EAPP: variants seen among roughly 807,000 people sequenced by gnomAD.
EAPP encodes E2F associated phosphoprotein.
A neutral mutation model predicts 34.3 loss-of-function variants in EAPP; 38 were observed. The ratio of observed to expected loss-of-function variants is 1.11; its 90% CI spans 0.85 to 1.45. The LOEUF (loss-of-function observed/expected upper bound fraction) is 1.45. Ranked by LOEUF, EAPP falls within the 40% of genes most tolerant of loss-of-function variation. The pLI, the probability that EAPP is intolerant of heterozygous loss-of-function variation, is 0.00. For missense variants in EAPP, 338 were observed against 343.7 expected, an observed-to-expected ratio of 0.98 and a Z score of 0.13; for synonymous variants, 113 against 117.6, an observed-to-expected ratio of 0.96 and a Z score of 0.25.
At chr14:34,534,997 C>G (rs1272520179) in intron 2 of EAPP, among the ~76,000 whole-genome samples, 1 of 151,832 alleles carries the variant, frequency 6.6e-6, no homozygotes, top group Non-Finnish European at 1.5e-5. Flanking sequence ...TGCCACCAAG[C>G]CCAGCTAATT....
At chr14:34,519,940 A>G (rs1038469657) in intron 5 of EAPP, among the ~76,000 whole-genome samples, 31 of 147,568 alleles carry the variant, frequency 2.1e-4, no homozygotes, top group Admixed American at 1.1e-3. Context: ...GCTGAAGTGC[A>G]GTGGCGCAAT....
intron 2 of EAPP, among the ~76,000 whole-genome samples, chr14:34,534,202 G>A (rs1025578906): frequency 2.0e-5 from 3 of 149,228 alleles, no homozygotes; most frequent in Non-Finnish European, 4.4e-5. Context: ...GCACAATCTC[G>A]GCTCACTGCA....
intron 5 of EAPP, among the ~76,000 whole-genome samples, chr14:34,523,813 A>G (rs1880003443): frequency 6.6e-6 from 1 of 152,160 alleles, no homozygotes; most frequent in Non-Finnish European, 1.5e-5. Context: ...CACTGGGATT[A>G]CAGGCATGAG....
At chr14:34,534,711 C>G (rs1464442349) in intron 2 of EAPP, among the ~76,000 whole-genome samples, 1 of 151,942 alleles carries the variant, frequency 6.6e-6, no homozygotes, top group African/African-American at 2.4e-5. Flanking sequence ...AGTCATCAAA[C>G]AAACTCCAAG....
chr14:34,529,510 C>A, intron 3 of EAPP, 35 bp from the exon 4 acceptor site: 2 of 1,376,568 alleles, frequency 1.5e-6, no homozygotes, highest in South Asian at 1.2e-5. Context: ...GGCTAAGAAT[C>A]ATGTGTCAAG....
intron 3 of EAPP, among the ~76,000 whole-genome samples, chr14:34,530,524 C>T (rs1880248444): frequency 6.6e-6 from 1 of 151,892 alleles, no homozygotes; most frequent in Admixed American, 6.6e-5. Context: ...TGAGACCTAT[C>T]TCTAAAAAAG....
intron 5 of EAPP, among the ~76,000 whole-genome samples, chr14:34,518,587 T>C (rs534476907): frequency 6.6e-6 from 1 of 152,272 alleles, no homozygotes; most frequent in East Asian, 1.9e-4. Context: ...AACCTCGGCC[T>C]CCTGAAGTGT....
chr14:34,538,146 C>G (rs115139779), intron 1 of EAPP, among the ~76,000 whole-genome samples: 3,062 of 152,182 alleles, frequency 0.02, 99 homozygotes, highest in African/African-American at 0.069. Context: ...GGGAGCCCGA[C>G]GCAGGCAGAT....
chr14:34,538,360 C>T (rs1363607957), intron 1 of EAPP, among the ~76,000 whole-genome samples: 4 of 151,026 alleles, frequency 2.6e-5, no homozygotes, highest in African/African-American at 9.7e-5. Context: ...GCCTGGCTGA[C>T]AGAGTGAGAC....
At chr14:34,531,099 G>A (rs1880274288) in intron 3 of EAPP, among the ~76,000 whole-genome samples, 2 of 151,330 alleles carry the variant, frequency 1.3e-5, no homozygotes, top group Admixed American at 1.3e-4. Flanking sequence ...GAGATCAGGA[G>A]TTTCAAACCA....
intron 3 of EAPP, 89 bp from the exon 4 acceptor site, chr14:34,529,564 A>G (rs1566448743): frequency 1.0e-6 from 1 of 985,352 alleles, no homozygotes; most frequent in Non-Finnish European, 1.5e-6. Context: ...CAAGCTACAC[A>G]TTTATTTATA....
At chr14:34,530,792 G>C (rs567065581) in intron 3 of EAPP, among the ~76,000 whole-genome samples, 1 of 149,946 alleles carries the variant, frequency 6.7e-6, no homozygotes, top group South Asian at 2.1e-4. Flanking sequence ...AAAAAAAACA[G>C]TATGAGGTCA....
At chr14:34,535,127 C>T (rs547704683) in intron 2 of EAPP, among the ~76,000 whole-genome samples, 7 of 140,786 alleles carry the variant, frequency 5.0e-5, no homozygotes, top group Non-Finnish European at 7.7e-5. Flanking sequence ...TGAGCCACCA[C>T]GCCTGGCCTT....
chr14:34,520,104 C>T lies in EAPP; in HGVS notation c.582-3518G>A, dbSNP rs192373106. Among the ~76,000 whole-genome samples the T allele has an allele frequency of 7.2e-5, 11 of 152,080 alleles. No individual in the cohort carries two copies. The East Asian group carries it at 2.1e-3, about 29-fold the overall frequency. Reference sequence around the variant, plus strand: ...GTTTCACCATGTTGGCCAGGCTGGTCTCGAACTCCTGACCACAGGTGATCC... The same window carrying T: ...GTTTCACCATGTTGGCCAGGCTGGTTTCGAACTCCTGACCACAGGTGATCC... On this transcript the variant is annotated intron_variant, in intron 5 of 5. Transcript: ENST00000250454.
intron 1 of EAPP, among the ~76,000 whole-genome samples, chr14:34,537,432 A>G (rs1251410859): frequency 1.3e-5 from 2 of 152,212 alleles, no homozygotes; most frequent in African/African-American, 4.8e-5. Flanking sequence ...AATCCTTGTC[A>G]TTATCTCAAC....
In EAPP at chr14:34,516,335, A is replaced by G. The variant is rs532242766; in HGVS notation, c.833T>C (p.Phe278Ser). Residue 278 changes from phenylalanine (F) to serine (S), a missense_variant, in exon 6 of 6, where the codon TTC (phenylalanine) becomes TCC (serine). Transcript: ENST00000250454. ...VYDKDEVFHF[F>S]NVLASHS is the part of the protein sequence containing the mutation. ...TTAGGAATGGCTTGCTAAAACATTG[A>G]AAAAATGAAAGACTTCATCCTTGTC... The G allele has an allele frequency of 1.2e-6, 2 of 1,612,592 alleles. No homozygotes were observed. Among genetic ancestry groups the G allele is most frequent in the African/African-American group, 2.7e-5 (2 of 75,012 alleles).
chr14:34,530,897 T>A, intron 3 of EAPP, among the ~76,000 whole-genome samples: 2 of 52,810 alleles, frequency 3.8e-5, no homozygotes, highest in East Asian at 4.7e-4. Context: ...CAAGACCCAA[T>A]CTTTACCAAA....
Position 34,516,550 on chromosome 14 carries a change from A to C in EAPP, c.618T>G (p.Phe206Leu), listed in dbSNP as rs375175242. ...CTTTGTTAATAGAACAATTCATTAC[A>C]AACATTGCTCTATATTGAGTTTTGT... is the stretch of plus-strand genomic sequence containing the variant. Reference protein sequence around the residue: ...ESYKTQYRAMFVMNCSINKEE... With the variant: ...ESYKTQYRAMLVMNCSINKEE... Residue 206 changes from phenylalanine (F) to leucine (L), a missense_variant, in exon 6 of 6, where the codon TTT becomes TTG. Phe to Leu is a conservative substitution (Grantham distance 22). Coordinates refer to ENST00000250454, the MANE Select transcript of EAPP (RefSeq NM_018453.4). 203 of 1,613,828 alleles carry C rather than the reference A, an allele frequency of 1.3e-4. No homozygotes were observed. The highest frequency in any genetic ancestry group is 3.4e-5 in the Non-Finnish European group (40 of 1,179,972).
chr14:34,529,059 G>A (rs1341748382), intron 4 of EAPP, among the ~76,000 whole-genome samples: 2 of 151,918 alleles, frequency 1.3e-5, no homozygotes, highest in African/African-American at 4.8e-5. Flanking sequence ...TCTCTTGAAC[G>A]CAGGAGGCGG....
Sources: allele counts gnomAD v4.1 joint callset (sites outside exome capture counted in the v4.1 genomes callset), GRCh38; gene constraint gnomAD v4.1.1; transcripts MANE v1.5; gene names NCBI Gene and HGNC (gene_info 2026-07-23, HGNC 2026-07-21).